The following SP4 variants were observed in gnomAD, a reference collection of about 807,000 sequenced individuals.
The protein encoded by SP4 is Sp4 transcription factor.
A neutral mutation model predicts 72.8 loss-of-function variants in SP4; 19 were observed. That is an observed-to-expected ratio of 0.26 (90% confidence interval 0.18 to 0.38). The LOEUF (loss-of-function observed/expected upper bound fraction) is 0.38. SP4 is among the 10% of genes least tolerant of loss of function. The pLI, the probability that SP4 is intolerant of heterozygous loss-of-function variation, is 1.00. For synonymous variants in SP4, 395 were observed against 333.1 expected, an observed-to-expected ratio of 1.19 and a Z score of -2.02; for missense variants, 1,008 against 926.3, an observed-to-expected ratio of 1.09 and a Z score of -1.14.
chr7:21,501,659 C>A (rs1227953498), intron 5 of SP4, among the ~76,000 whole-genome samples: 1 of 152,188 alleles, frequency 6.6e-6, no homozygotes, highest in Non-Finnish European at 1.5e-5. Context: ...TTCTAGCCAA[C>A]CCATAAATGG....
At chr7:21,453,457 A>G (rs527703211) in intron 3 of SP4, among the ~76,000 whole-genome samples, 5 of 152,370 alleles carry the variant, frequency 3.3e-5, no homozygotes, top group South Asian at 4.1e-4. Context: ...GTGGCATGCA[A>G]TAATTTAACT....
At position 21,510,350 on chromosome 7, in the gene SP4, C is replaced by G. The variant is rs201674962; in HGVS notation, c.2108-672C>G. Among the ~76,000 whole-genome samples, 4 of 152,120 alleles carry G rather than the reference C, an allele frequency of 2.6e-5. No individual in the cohort carries two copies. In the East Asian group the frequency reaches 7.7e-4, roughly 29 times the overall value. ...TTATTATACACAAAAACAAAAAGGC[C>G]TTTTTGTTTTTAGTTAACATTAAAC... On this transcript the variant is annotated intron_variant, in intron 5 of 5. Coordinates refer to ENST00000222584, the MANE Select transcript of SP4 (RefSeq NM_003112.5).
chr7:21,443,814 A>G (rs1217511249), intron 3 of SP4, among the ~76,000 whole-genome samples: 1 of 152,230 alleles, frequency 6.6e-6, no homozygotes, highest in Non-Finnish European at 1.5e-5. Context: ...AGAAAGAAAT[A>G]CTTAAAAGTG....
intron 3 of SP4, among the ~76,000 whole-genome samples, chr7:21,438,625 A>C (rs549261593): frequency 6.6e-6 from 1 of 152,184 alleles, no homozygotes; most frequent in African/African-American, 2.4e-5. Flanking sequence ...ATCTCGGTAT[A>C]GTAGTCTCCT....
At chr7:21,509,668 A>C (rs2128417815) in intron 5 of SP4, among the ~76,000 whole-genome samples, 1 of 152,322 alleles carries the variant, frequency 6.6e-6, no homozygotes, top group South Asian at 2.1e-4. Flanking sequence ...AGTTTACTCA[A>C]AAGTAAAAGC....
At chr7:21,461,250 G>A (rs969445489) in intron 3 of SP4, among the ~76,000 whole-genome samples, 10 of 152,178 alleles carry the variant, frequency 6.6e-5, no homozygotes, top group South Asian at 2.1e-4. Context: ...AGCAGGGGGC[G>A]GTGCTTGTTG....
chr7:21,496,893 G>T (rs1185333485), intron 5 of SP4, among the ~76,000 whole-genome samples: 1 of 152,116 alleles, frequency 6.6e-6, no homozygotes, highest in Non-Finnish European at 1.5e-5. Flanking sequence ...ATTAGTTAGG[G>T]CCTTCTCATG....
At chr7:21,505,461 C>T (rs768881047) in intron 5 of SP4, among the ~76,000 whole-genome samples, 3 of 152,160 alleles carry the variant, frequency 2.0e-5, no homozygotes, top group Admixed American at 6.5e-5. Flanking sequence ...TCCTCCAGGA[C>T]TTTTTCTAAG....
intron 3 of SP4, among the ~76,000 whole-genome samples, chr7:21,433,372 G>T (rs1466489661): frequency 6.6e-6 from 1 of 152,146 alleles, no homozygotes; most frequent in African/African-American, 2.4e-5. Context: ...TAATAAATAT[G>T]CTCAATCCTT....
intron 5 of SP4, among the ~76,000 whole-genome samples, chr7:21,502,097 C>T (rs1438512610): frequency 1.6e-5 from 2 of 123,752 alleles, no homozygotes; most frequent in African/African-American, 3.1e-5. Context: ...TCAAAAGATA[C>T]GTCAAATCTC....
chr7:21,500,497 G>A (rs998189462), intron 5 of SP4, among the ~76,000 whole-genome samples: 4 of 152,162 alleles, frequency 2.6e-5, no homozygotes, highest in Admixed American at 6.5e-5. Context: ...TCAAGGCTTT[G>A]GCAGGACTGC....
chr7:21,469,121 AAC>A (rs1388363497), intron 3 of SP4, among the ~76,000 whole-genome samples: 1 of 152,214 alleles, frequency 6.6e-6, no homozygotes, highest in African/African-American at 2.4e-5. Flanking sequence ...ATAAATATCT[AAC>A]AGTACAGTAA....
At chr7:21,468,729 A>G (rs1583416154) in intron 3 of SP4, among the ~76,000 whole-genome samples, 1 of 152,082 alleles carries the variant, frequency 6.6e-6, no homozygotes, top group African/African-American at 2.4e-5. Context: ...TATTTCTTAT[A>G]TAGATCTGTT....
At chr7:21,508,664 C>T (rs1782069804) in intron 5 of SP4, among the ~76,000 whole-genome samples, 1 of 152,050 alleles carries the variant, frequency 6.6e-6, no homozygotes, top group Admixed American at 6.6e-5. Context: ...TAGGCCACTG[C>T]CTCCACCTTT....
intron 3 of SP4, among the ~76,000 whole-genome samples, chr7:21,458,278 C>T (rs1371551112): frequency 4.6e-5 from 7 of 152,100 alleles, no homozygotes; most frequent in South Asian, 2.1e-4. Flanking sequence ...CTGCAAACTC[C>T]GCCTCCTGGG....
chr7:21,502,535 A>G (rs1372169388), intron 5 of SP4, among the ~76,000 whole-genome samples: 3 of 152,116 alleles, frequency 2.0e-5, no homozygotes, highest in Non-Finnish European at 2.9e-5. Flanking sequence ...CAGGATCAGT[A>G]TTCCATCCTA....
chr7:21,441,325 G>T (rs1008519665), intron 3 of SP4, among the ~76,000 whole-genome samples: 2 of 152,176 alleles, frequency 1.3e-5, no homozygotes, highest in African/African-American at 2.4e-5. Context: ...CTATCATGTG[G>T]AAGCTTTTAA....
Position 21,430,811 on chromosome 7 carries a change from A to G in SP4, c.1646A>G (p.Gln549Arg), listed in dbSNP as rs1452572462. The G allele has an allele frequency of 1.9e-6, 3 of 1,613,358 alleles. No homozygotes were observed. The highest frequency in any genetic ancestry group is 1.7e-6 in the Non-Finnish European group (2 of 1,179,544). ...CTGGGTGCTGCAGGTGTTCAAGTGC[A>G]GGGAGTTCCCGTTACAATCACTAGT... ...ANLGAAGVQV[Q>R]GVPVTITSVA... Residue 549 changes from glutamine to arginine, a missense_variant, in exon 3 of 6, where the codon CAG becomes CGG. Around this residue, in one of 3 missense-constraint regions of SP4, gnomAD observed 893 missense variants for 743.3 expected, o/e 1.20. Transcript: ENST00000222584.
chr7:21,447,275 C>A lies in SP4; in HGVS notation c.1678+16432C>A, dbSNP rs914358097. ...ATATTACCTCCTAACCTTTCCAAAACCCAATACTTTATACCAAAGATTTTA... is the reference window on the plus strand; with the variant it reads ...ATATTACCTCCTAACCTTTCCAAAAACCAATACTTTATACCAAAGATTTTA... On this transcript the variant is annotated intron_variant, in intron 3 of 5. Coordinates refer to ENST00000222584, the MANE Select transcript of SP4 (RefSeq NM_003112.5). Among the ~76,000 whole-genome samples, 3 of 152,170 alleles carry A rather than the reference C, an allele frequency of 2.0e-5. No homozygotes were observed. The South Asian group carries it at 6.2e-4, about 31-fold the overall frequency.
Sources: allele counts gnomAD v4.1 joint callset (sites outside exome capture counted in the v4.1 genomes callset), GRCh38; gene constraint gnomAD v4.1.1; regional missense constraint gnomAD v4.1.1; transcripts MANE v1.5; gene names NCBI Gene and HGNC (gene_info 2026-07-23, HGNC 2026-07-21).